Variants in TLK1 observed in about 807,000 individuals in gnomAD.
The protein encoded by TLK1 is tousled like kinase 1.
Under a neutral mutation model 105.3 loss-of-function variants are expected in TLK1, and 24 were observed. That is an observed-to-expected ratio of 0.23 (90% CI 0.17 to 0.32). The LOEUF (loss-of-function observed/expected upper bound fraction) is 0.32, where lower values mean the gene tolerates loss of function less well. Among genes scored for constraint, TLK1 ranks in the 10% least tolerant of loss-of-function variants. The pLI is 1.00. For synonymous variants in TLK1, 321 were observed against 310.4 expected, an observed-to-expected ratio of 1.03 and a Z score of -0.36; for missense variants, 558 against 910.5, an observed-to-expected ratio of 0.61 and a Z score of 4.98.
chr2:171,087,688 C>A (rs1339704610), intron 2 of TLK1, among the ~76,000 whole-genome samples: 3 of 152,056 alleles, frequency 2.0e-5, no homozygotes, highest in African/African-American at 4.8e-5. Flanking sequence ...TGCTGAAAAA[C>A]CAAAGATAAA....
intron 2 of TLK1, among the ~76,000 whole-genome samples, chr2:171,096,758 A>G (rs920485351): frequency 4.6e-5 from 3 of 64,626 alleles, no homozygotes; most frequent in African/African-American, 1.8e-4. Context: ...ACCCTGTCTC[A>G]AAAAAAAAAA....
At position 171,209,994 on chromosome 2, in the gene TLK1, G is replaced by A. The variant is rs954998025; in HGVS notation, c.-6+21151C>T. Among the ~76,000 whole-genome samples, 11 of 152,294 alleles carry A rather than the reference G, an allele frequency of 7.2e-5. No homozygotes were observed. In the South Asian group the frequency reaches 2.3e-3, roughly 32 times the overall value. ...CCAGGAGCTTGTAGGCACAGGCAGTGTATGGGAATGCCTGTTTTGTACCTC... is the reference window on the plus strand; with the variant it reads ...CCAGGAGCTTGTAGGCACAGGCAGTATATGGGAATGCCTGTTTTGTACCTC... On this transcript the variant is annotated intron_variant, in intron 1 of 20. Transcript: ENST00000521943.
intron 2 of TLK1, among the ~76,000 whole-genome samples, chr2:171,087,966 GA>G (rs1689056081): frequency 6.6e-6 from 1 of 152,162 alleles, no homozygotes; most frequent in Non-Finnish European, 1.5e-5. Context: ...GGTATGAGAT[GA>G]TAAAAATCTC....
chr2:171,217,558 C>T lies in TLK1; in HGVS notation c.-6+13587G>A, dbSNP rs568573957. ...AAAAGCAGACAGCAGGAGGGAGGAACACAACTCCCAAAGCTGATCATGAGG... is the reference window on the plus strand; with the variant it reads ...AAAAGCAGACAGCAGGAGGGAGGAATACAACTCCCAAAGCTGATCATGAGG... On this transcript the variant is annotated intron_variant, in intron 1 of 20. Coordinates refer to the TLK1 transcript ENST00000521943. Among the ~76,000 whole-genome samples, 21 of 152,270 alleles carry T rather than the reference C, an allele frequency of 1.4e-4. No homozygotes were observed. In the East Asian group the frequency reaches 3.5e-3, roughly 25 times the overall value.
intron 1 of TLK1, among the ~76,000 whole-genome samples, chr2:171,157,247 GT>G (rs1234077050): frequency 6.6e-6 from 1 of 152,126 alleles, no homozygotes; most frequent in Admixed American, 6.6e-5. Flanking sequence ...CCATTCAAAA[GT>G]ACCCATGTAC....
intron 1 of TLK1, among the ~76,000 whole-genome samples, chr2:171,139,041 C>A (rs1691460984): frequency 6.6e-6 from 1 of 152,134 alleles, no homozygotes; most frequent in Admixed American, 6.5e-5. Context: ...TATTAAACTA[C>A]TGCTCAAAGG....
At chr2:171,032,117 A>C (rs2105399230) in intron 11 of TLK1, among the ~76,000 whole-genome samples, 1 of 152,240 alleles carries the variant, frequency 6.6e-6, no homozygotes, top group East Asian at 1.9e-4. Flanking sequence ...AGGCAACAAC[A>C]ACCCAGGCAA....
intron 10 of TLK1, 81 bp downstream of exon 10, chr2:171,049,733 A>T: frequency 6.5e-7 from 1 of 1,547,296 alleles, no homozygotes; most frequent in Non-Finnish European, 8.8e-7. Flanking sequence ...ACTGGAGAGC[A>T]TAATTACAAA....
At position 171,057,999 on chromosome 2, in the gene TLK1, T is replaced by A. The variant is rs975585141; in HGVS notation, c.453+152A>T. On this transcript the variant is annotated intron_variant, in intron 5 of 20. Transcript: ENST00000431350. ...TGGCATCCCAATGTAAATGTAAATCTAATTTTCCTAGAAAGATATCACATA... is the reference window on the plus strand; with the variant it reads ...TGGCATCCCAATGTAAATGTAAATCAAATTTTCCTAGAAAGATATCACATA... 9.2e-4 allele frequency: 600 copies of A among 650,430 alleles called. 6 individuals carry two copies. Among genetic ancestry groups the A allele is most frequent in the Middle Eastern group, 1.3e-3 (4 of 2,972 alleles). 40.3% of individuals were successfully genotyped at this position (650,430 alleles called of 1,614,324 possible). A position where few individuals can be genotyped will look rare whatever the true frequency, so the allele number is the denominator to read the frequency against.
At chr2:170,994,270 T>C in intron 20 of TLK1, among the ~76,000 whole-genome samples, 1 of 152,148 alleles carries the variant, frequency 6.6e-6, no homozygotes, top group East Asian at 1.9e-4. Context: ...TGCTAAACAG[T>C]CCTCCCACCC....
At chr2:171,059,472 T>C (rs147662970) in intron 4 of TLK1, among the ~76,000 whole-genome samples, 4 of 152,332 alleles carry the variant, frequency 2.6e-5, no homozygotes, top group African/African-American at 4.8e-5. Flanking sequence ...CCCTTCTCCA[T>C]ACAGGCTGTA....
At chr2:171,153,473 C>CT (rs1228102355) in intron 1 of TLK1, among the ~76,000 whole-genome samples, 12 of 152,164 alleles carry the variant, frequency 7.9e-5, no homozygotes, top group Non-Finnish European at 1.5e-4. Flanking sequence ...TGAAACAGTC[C>CT]TTTGACAAAA....
chr2:171,193,554 G>A (rs997037862), intron 1 of TLK1, among the ~76,000 whole-genome samples: 7 of 150,786 alleles, frequency 4.6e-5, no homozygotes, highest in African/African-American at 1.7e-4. Flanking sequence ...CCGCCACCAC[G>A]CCCGGCTAAT....
chr2:171,059,802 A>T, intron 4 of TLK1: 2 of 691,438 alleles, frequency 2.9e-6, no homozygotes, highest in South Asian at 3.1e-5. Context: ...GGGAGTGCAT[A>T]ACCTGGATCC....
intron 1 of TLK1, among the ~76,000 whole-genome samples, chr2:171,192,456 G>A (rs1287563291): frequency 6.6e-6 from 1 of 152,130 alleles, no homozygotes; most frequent in Non-Finnish European, 1.5e-5. Context: ...GAGGCGGGCG[G>A]ATCACGAGGT....
In TLK1 at chr2:171,160,539, G is replaced by A; in HGVS notation, c.-111C>T. On this transcript the variant is annotated 5_prime_UTR_variant, in exon 1 of 21. Coordinates refer to ENST00000431350, the MANE Select transcript of TLK1 (RefSeq NM_012290.5). The surrounding 1 kb of genome is among the most constrained non-coding windows in gnomAD (Gnocchi z 4.4). The stretch of plus-strand genomic sequence containing the variant: ...CCGCGCTGAGGGCGAGCGAGAGAGC[G>A]AGGGCTGGGAGGGGAGAGTCAAGGG... 1.3e-6 allele frequency: 2 copies of A among 1,538,930 alleles called. No homozygotes were observed. Among genetic ancestry groups the A allele is most frequent in the South Asian group, 1.2e-5 (1 of 83,534 alleles).
intron 2 of TLK1, among the ~76,000 whole-genome samples, chr2:171,093,996 G>A (rs1453624258): frequency 3.3e-5 from 5 of 152,194 alleles, no homozygotes; most frequent in Admixed American, 2.0e-4. Flanking sequence ...CAGAATGGAT[G>A]CTGTGGCAAG....
At chr2:171,056,692 C>CA in intron 5 of TLK1, 126 bp from the exon 6 acceptor site, 4 of 582,652 alleles carry the variant, frequency 6.9e-6, no homozygotes, top group Admixed American at 4.4e-5. Flanking sequence ...TAAATGGGTC[C>CA]AGAACAAAAA....
chr2:171,120,532 T>C (rs1366323404), intron 1 of TLK1, among the ~76,000 whole-genome samples: 1 of 152,086 alleles, frequency 6.6e-6, no homozygotes, highest in Non-Finnish European at 1.5e-5. Context: ...AATAAGCACA[T>C]GAAAAGATGC....
Sources: gnomAD v4.1 joint callset for allele counts (sites outside exome capture counted in the v4.1 genomes callset) on GRCh38, gnomAD v4.1.1 for gene constraint, Gnocchi (gnomAD v3.1) non-coding constraint, MANE v1.5 for transcripts, NCBI Gene and HGNC (gene_info 2026-07-23, HGNC 2026-07-21) for gene names.